Variants in DLGAP2 observed in about 807,000 individuals in gnomAD.
DLGAP2 encodes DLG associated protein 2, also known as disks large-associated protein 2.
Under a neutral mutation model 100.3 loss-of-function variants are expected in DLGAP2, and 26 were observed. The observed-to-expected ratio is 0.26, with a 90% CI of 0.19 to 0.36. The LOEUF (loss-of-function observed/expected upper bound fraction) is 0.36, where lower values mean the gene tolerates loss of function less well. Among genes scored for constraint, DLGAP2 ranks in the 10% least tolerant of loss-of-function variants. The pLI is 1.00. For synonymous variants in DLGAP2, 886 were observed against 630.1 expected, an observed-to-expected ratio of 1.41 and a Z score of -6.08; for missense variants, 1,858 against 1,453.2, an observed-to-expected ratio of 1.28 and a Z score of -4.53.
chr8:1,047,359 T>G (rs1429071920), intron 2 of DLGAP2, among the ~76,000 whole-genome samples: 1 of 152,258 alleles, frequency 6.6e-6, no homozygotes, highest in East Asian at 1.9e-4. Flanking sequence ...TTTCGGATTT[T>G]GGAATTTTTT....
At chr8:1,039,434 G>A (rs934516363) in intron 2 of DLGAP2, among the ~76,000 whole-genome samples, 15 of 140,032 alleles carry the variant, frequency 1.1e-4, no homozygotes, top group South Asian at 2.5e-4. Context: ...TTCTGTAGTC[G>A]GCTCGGTGTG....
intron 3 of DLGAP2, among the ~76,000 whole-genome samples, chr8:1,291,381 AT>A (rs1800054821): frequency 6.6e-6 from 1 of 152,160 alleles, no homozygotes; most frequent in African/African-American, 2.4e-5. Flanking sequence ...TATCATGGGC[AT>A]TACTCTCTAA....
chr8:1,224,278 G>T (rs933645653), intron 2 of DLGAP2, among the ~76,000 whole-genome samples: 1 of 152,186 alleles, frequency 6.6e-6, no homozygotes, highest in African/African-American at 2.4e-5. Context: ...GTAAGGCACA[G>T]TTCTCTCATA....
chr8:1,390,235 G>C (rs1796318702), intron 3 of DLGAP2, among the ~76,000 whole-genome samples: 1 of 152,194 alleles, frequency 6.6e-6, no homozygotes, highest in African/African-American at 2.4e-5. Flanking sequence ...GTGAAAACCA[G>C]ATGGGAGCCT....
chr8:890,743 G>T (rs1798017977), intron 1 of DLGAP2, among the ~76,000 whole-genome samples: 1 of 152,108 alleles, frequency 6.6e-6, no homozygotes, highest in Non-Finnish European at 1.5e-5. Flanking sequence ...GGCAGAGTGT[G>T]GCTGGGATCT....
Position 899,626 on chromosome 8 carries a change from A to G in DLGAP2, c.19-8286A>G, listed in dbSNP as rs138668416. Among the ~76,000 whole-genome samples the G allele has an allele frequency of 4.6e-5, 7 of 152,362 alleles. No homozygotes were observed. The East Asian group carries it at 7.7e-4, about 17-fold the overall frequency. On this transcript the variant is annotated intron_variant, in intron 1 of 14. Transcript: ENST00000637795. ...TTATCAAACAAATATGGAAATCATTAAGTCCTGGCATCACAAACATTAAAA... is the reference window on the plus strand; with the variant it reads ...TTATCAAACAAATATGGAAATCATTGAGTCCTGGCATCACAAACATTAAAA...
chr8:1,424,695 G>A (rs1797191207), intron 3 of DLGAP2, among the ~76,000 whole-genome samples: 1 of 152,152 alleles, frequency 6.6e-6, no homozygotes, highest in South Asian at 2.1e-4. Context: ...GGAGTCAGAT[G>A]CACAGACAGA....
chr8:828,569 C>T (rs915091306), intron 1 of DLGAP2, among the ~76,000 whole-genome samples: 1 of 152,188 alleles, frequency 6.6e-6, no homozygotes, highest in Non-Finnish European at 1.5e-5. Flanking sequence ...AACACACATG[C>T]TGTACAATTT....
intron 3 of DLGAP2, among the ~76,000 whole-genome samples, chr8:1,281,812 C>A (rs1799819233): frequency 6.6e-6 from 1 of 152,180 alleles, no homozygotes; most frequent in Non-Finnish European, 1.5e-5. Context: ...ACCCCACCAG[C>A]CTTTGATCTG....
At chr8:1,512,655 C>T (rs866404497) in intron 4 of DLGAP2, among the ~76,000 whole-genome samples, 1 of 152,142 alleles carries the variant, frequency 6.6e-6, no homozygotes, top group African/African-American at 2.4e-5. Context: ...TAGCCAAGCA[C>T]GCTTCTTGCT....
intron 1 of DLGAP2, among the ~76,000 whole-genome samples, chr8:901,796 C>A (rs544514155): frequency 6.6e-6 from 1 of 152,240 alleles, no homozygotes; most frequent in African/African-American, 2.4e-5. Flanking sequence ...CCCTCCCAGG[C>A]TCATCAACAA....
At chr8:803,423 G>A (rs1161055227) in intron 1 of DLGAP2, among the ~76,000 whole-genome samples, 1 of 151,890 alleles carries the variant, frequency 6.6e-6, no homozygotes, top group South Asian at 2.1e-4. Context: ...TTTTTCCACT[G>A]TTTATTGATT....
chr8:883,623 C>A (rs566166592), intron 1 of DLGAP2, among the ~76,000 whole-genome samples: 146 of 150,294 alleles, frequency 9.7e-4, no homozygotes, highest in Middle Eastern at 3.5e-3. Context: ...CGCGGCGGTT[C>A]GTTACGTAGG....
chr8:1,524,163 A>C (rs541663693), intron 4 of DLGAP2, among the ~76,000 whole-genome samples: 2 of 152,160 alleles, frequency 1.3e-5, no homozygotes, highest in South Asian at 4.2e-4. Context: ...GTGGGCTTTT[A>C]AAGGGGAACA....
At chr8:1,276,458 G>C (rs1045945332) in intron 3 of DLGAP2, among the ~76,000 whole-genome samples, 1 of 152,054 alleles carries the variant, frequency 6.6e-6, no homozygotes, top group African/African-American at 2.4e-5. Context: ...GGAAGGGTGA[G>C]GGGGGACGGG....
intron 8 of DLGAP2, among the ~76,000 whole-genome samples, chr8:1,641,174 T>A (rs1248850870): frequency 6.6e-6 from 1 of 152,186 alleles, no homozygotes; most frequent in Non-Finnish European, 1.5e-5. Context: ...CACCTCTGTC[T>A]AGAACAGACA....
intron 3 of DLGAP2, among the ~76,000 whole-genome samples, chr8:1,427,004 T>A (rs918794957): frequency 6.6e-6 from 1 of 152,206 alleles, no homozygotes; most frequent in Non-Finnish European, 1.5e-5. Context: ...AGTGCTTATT[T>A]GAATAATTTA....
chr8:1,632,844 C>A lies in DLGAP2; in HGVS notation c.1608C>A (p.Ile536=). Residue 536 remains isoleucine, a synonymous_variant, in exon 8 of 15, where the codon ATC becomes ATA. Coordinates refer to ENST00000637795, the MANE Select transcript of DLGAP2 (RefSeq NM_001346810.2). The part of the protein sequence containing the change: ...SCVSQVSEAE[I]NGQFESVCES... ...GATTGCAGGTGAGCGAGGCGGAGAT[C>A]AATGGGCAATTCGAGTCCGTGTGCG... 1 of 1,611,760 alleles carries A rather than the reference C, an allele frequency of 6.2e-7. No homozygotes were observed.
At chr8:1,468,161 G>A (rs553799448) in intron 3 of DLGAP2, among the ~76,000 whole-genome samples, 14 of 152,088 alleles carry the variant, frequency 9.2e-5, no homozygotes, top group South Asian at 8.3e-4. Flanking sequence ...CAGCAGCCTC[G>A]GTCCCTTCTG....
Sources: allele counts gnomAD v4.1 joint callset (sites outside exome capture counted in the v4.1 genomes callset), GRCh38; gene constraint gnomAD v4.1.1; transcripts MANE v1.5; gene names NCBI Gene and HGNC (gene_info 2026-07-23, HGNC 2026-07-21).